IPMK: variants seen among roughly 807,000 people sequenced by gnomAD.
IPMK encodes inositol 1,3,4,6-tetrakisphosphate 5-kinase.
Under a neutral mutation model 45.8 loss-of-function variants are expected in IPMK, and 17 were observed. The observed-to-expected ratio is 0.37, with a 90% CI of 0.25 to 0.56. IPMK has a LOEUF of 0.56. Among genes scored for constraint, IPMK ranks in the 20% least tolerant of loss-of-function variants. The pLI is 0.79. For synonymous variants in IPMK, 180 were observed against 184.3 expected (o/e 0.98, Z 0.19); for missense variants, 399 against 498.0 (o/e 0.80, Z 1.89).
chr10:58,203,499 G>A (rs1350577959), intron 4 of IPMK, among the ~76,000 whole-genome samples: 4 of 152,056 alleles, frequency 2.6e-5, no homozygotes, highest in Admixed American at 2.6e-4. Context: ...GTATTCTTTT[G>A]TAGACGGGGT....
intron 3 of IPMK, among the ~76,000 whole-genome samples, chr10:58,218,205 G>A (rs866361307): frequency 6.6e-6 from 1 of 152,112 alleles, no homozygotes; most frequent in Non-Finnish European, 1.5e-5. Context: ...CTTGAAAGAA[G>A]GGTTTTCCCA....
intron 1 of IPMK, among the ~76,000 whole-genome samples, chr10:58,240,952 T>C (rs1369584443): frequency 6.6e-6 from 1 of 152,086 alleles, no homozygotes; most frequent in African/African-American, 2.4e-5. Context: ...AAGACCCTTT[T>C]CCCCTCTGGA....
intron 1 of IPMK, among the ~76,000 whole-genome samples, chr10:58,263,114 G>A (rs1228399306): frequency 6.6e-6 from 1 of 152,198 alleles, no homozygotes; most frequent in Non-Finnish European, 1.5e-5. Context: ...AGCCAGGCAT[G>A]GTGACTCATT....
At chr10:58,240,850 C>A (rs1432028655) in intron 1 of IPMK, among the ~76,000 whole-genome samples, 1 of 151,984 alleles carries the variant, frequency 6.6e-6, no homozygotes, top group African/African-American at 2.4e-5. Flanking sequence ...TTCTTCCAGG[C>A]CGTCAAGAAA....
intron 1 of IPMK, among the ~76,000 whole-genome samples, chr10:58,252,374 C>T (rs1838893483): frequency 6.7e-6 from 1 of 148,254 alleles, no homozygotes; most frequent in Admixed American, 6.7e-5. Flanking sequence ...TAGTCTTCAT[C>T]TTTAAGATAT....
intron 4 of IPMK, among the ~76,000 whole-genome samples, chr10:58,206,101 C>T (rs2653506): frequency 6.6e-6 from 1 of 151,944 alleles, no homozygotes; most frequent in Non-Finnish European, 1.5e-5. Flanking sequence ...TCCATATAAT[C>T]GAATATTATT....
intron 1 of IPMK, among the ~76,000 whole-genome samples, chr10:58,243,141 A>C (rs1231117094): frequency 6.6e-6 from 1 of 152,172 alleles, no homozygotes; most frequent in African/African-American, 2.4e-5. Context: ...CCTAGGAAAA[A>C]AATCAGAGAA....
chr10:58,211,528 T>C (rs1312523405), intron 4 of IPMK, among the ~76,000 whole-genome samples: 1 of 152,020 alleles, frequency 6.6e-6, no homozygotes, highest in Non-Finnish European at 1.5e-5. Context: ...ACTGGTTACA[T>C]GGTGATTCCA....
intron 4 of IPMK, among the ~76,000 whole-genome samples, chr10:58,206,100 T>C (rs1221654390): frequency 2.0e-5 from 3 of 152,148 alleles, no homozygotes; most frequent in Non-Finnish European, 2.9e-5. Context: ...ATCCATATAA[T>C]CGAATATTAT....
chr10:58,243,545 T>C (rs1414051233), intron 1 of IPMK, among the ~76,000 whole-genome samples: 1 of 152,136 alleles, frequency 6.6e-6, no homozygotes, highest in Non-Finnish European at 1.5e-5. Context: ...GGTTTATATA[T>C]TTTTGGTGAA....
intron 1 of IPMK, among the ~76,000 whole-genome samples, chr10:58,258,223 T>C (rs1383469749): frequency 1.3e-5 from 2 of 152,110 alleles, no homozygotes; most frequent in Non-Finnish European, 2.9e-5. Context: ...GGCAGGAGAA[T>C]TGCTTGAACC....
chr10:58,199,224 G>GA lies in IPMK; in HGVS notation c.628+15_628+16insT. On this transcript the variant is annotated intron_variant, in intron 5 of 5. Transcript: ENST00000373935. ...TAACTGTTCAATCATAAAAGCATTA[G>GA]TTTTTTAGTCCTTACCATCCTTTAT... 1 of 1,533,822 alleles carries GA rather than the reference G, an allele frequency of 6.5e-7. No individual in the cohort carries two copies. The highest frequency in any genetic ancestry group is 9.0e-7 in the Non-Finnish European group (1 of 1,117,168).
Position 58,196,201 on chromosome 10 carries a change from T to A in IPMK, c.1126A>T (p.Ile376Phe). 1 of 1,614,146 alleles carries A rather than the reference T, an allele frequency of 6.2e-7. No individual in the cohort carries two copies. The highest frequency in any genetic ancestry group is 8.5e-7 in the Non-Finnish European group (1 of 1,180,016). ...FYHLPTGCQE[I>F]AEVEVRMIDF... ...ATCATTCGCACTTCTACTTCAGCAA[T>A]CTCTTGGCAACCAGTGGGAAGATGG... is the stretch of plus-strand genomic sequence containing the variant. The change falls in exon 6 of 6, where the codon ATT (isoleucine) becomes TTT (phenylalanine). Residue 376 changes from isoleucine (I) to phenylalanine (F), a missense_variant. Coordinates refer to ENST00000373935, the MANE Select transcript of IPMK (RefSeq NM_152230.5).
intron 3 of IPMK, among the ~76,000 whole-genome samples, chr10:58,220,354 T>C (rs1431943695): frequency 6.6e-6 from 1 of 152,154 alleles, no homozygotes; most frequent in African/African-American, 2.4e-5. Flanking sequence ...CACCCTCATA[T>C]CCTTATAAGA....
chr10:58,213,553 G>A (rs1438874519), intron 4 of IPMK, among the ~76,000 whole-genome samples: 1 of 152,184 alleles, frequency 6.6e-6, no homozygotes, highest in African/African-American at 2.4e-5. Flanking sequence ...AGGATGTGGT[G>A]GCGGGTGCCT....
intron 1 of IPMK, among the ~76,000 whole-genome samples, chr10:58,257,091 A>G (rs1838980891): frequency 6.6e-6 from 1 of 152,144 alleles, no homozygotes; most frequent in Non-Finnish European, 1.5e-5. Context: ...ACAAACGAAA[A>G]CAACATTTTG....
intron 3 of IPMK, among the ~76,000 whole-genome samples, chr10:58,221,613 T>C (rs1030298418): frequency 1.3e-5 from 2 of 152,138 alleles, no homozygotes; most frequent in African/African-American, 4.8e-5. Flanking sequence ...GGATGGAGTA[T>C]AGCAGTACAA....
At chr10:58,243,101 T>C (rs2132168669) in intron 1 of IPMK, among the ~76,000 whole-genome samples, 1 of 152,194 alleles carries the variant, frequency 6.6e-6, no homozygotes, top group South Asian at 2.1e-4. Context: ...TAGTTCTTTA[T>C]AGCAGTGTGA....
At chr10:58,243,749 C>T (rs1453213673) in intron 1 of IPMK, among the ~76,000 whole-genome samples, 1 of 152,238 alleles carries the variant, frequency 6.6e-6, no homozygotes, top group Non-Finnish European at 1.5e-5. Flanking sequence ...GTGCCTTGGC[C>T]TCCCAAAGTG....
Sources: gnomAD v4.1 joint callset for allele counts (sites outside exome capture counted in the v4.1 genomes callset) on GRCh38, gnomAD v4.1.1 for gene constraint, MANE v1.5 for transcripts, NCBI Gene and HGNC (gene_info 2026-07-23, HGNC 2026-07-21) for gene names.